Variants in SEC23B observed in about 807,000 individuals in gnomAD.
SEC23B encodes protein transport protein Sec23B.
Under a neutral mutation model 104.3 loss-of-function variants are expected in SEC23B, and 77 were observed. That is an observed-to-expected ratio of 0.74 (90% confidence interval 0.61 to 0.89). The LOEUF (loss-of-function observed/expected upper bound fraction) is 0.89, where lower values mean the gene tolerates loss of function less well. SEC23B is among the 40% of genes least tolerant of loss of function. The pLI is 0.00. For synonymous variants in SEC23B, 338 were observed against 332.5 expected (o/e 1.02, Z -0.18); for missense variants, 885 against 949.4 (o/e 0.93, Z 0.89).
At chr20:18,531,953 G>A (rs572439872) in intron 10 of SEC23B, among the ~76,000 whole-genome samples, 1 of 152,220 alleles carries the variant, frequency 6.6e-6, no homozygotes, top group East Asian at 1.9e-4. Flanking sequence ...AGCTACTCAG[G>A]AGGCTGAGGC....
intron 4 of SEC23B, among the ~76,000 whole-genome samples, chr20:18,518,582 G>GTTTTTTTTTTTTTTTTTTT (rs57231166): frequency 9.7e-5 from 9 of 92,660 alleles, no homozygotes; most frequent in Admixed American, 4.6e-4. Context: ...CTGGAAGGAG[G>GTTTTTTTTTTTTTTTTTTT]TTTTTTTTTT....
intron 3 of SEC23B, among the ~76,000 whole-genome samples, chr20:18,514,100 C>T (rs927849833): frequency 1.3e-5 from 2 of 152,188 alleles, no homozygotes; most frequent in African/African-American, 4.8e-5. Context: ...CTAAGATTGT[C>T]ACCTGCCAAT....
At position 18,548,778 on chromosome 20, in the gene SEC23B, T is replaced by C. The variant is rs756904427; in HGVS notation, c.1905+8T>C. The C allele has an allele frequency of 2.5e-6, 4 of 1,613,610 alleles. No individual in the cohort carries two copies. The East Asian group carries it at 6.7e-5, about 27-fold the overall frequency. On this transcript the variant is annotated splice_region_variant and intron_variant, in intron 16 of 19. Transcript: ENST00000650089. ...TTTCATGGGCCACCAGAGGTGAGGC[T>C]CTACCCAAATGCTTTCCTGAGGATT... is the stretch of plus-strand genomic sequence containing the variant.
intron 7 of SEC23B, 41 bp downstream of exon 7, chr20:18,525,973 G>T (rs1555353): frequency 1.9e-6 from 3 of 1,597,818 alleles, no homozygotes; most frequent in African/African-American, 1.3e-5. Flanking sequence ...TCATACAAAT[G>T]TGCTCTCAGA....
At chr20:18,538,078 G>T (rs2148911329) in intron 12 of SEC23B, among the ~76,000 whole-genome samples, 1 of 152,100 alleles carries the variant, frequency 6.6e-6, no homozygotes, top group African/African-American at 2.4e-5. Context: ...CGAGTAGCTA[G>T]GCTTACAGGT....
chr20:18,543,215 C>A, intron 14 of SEC23B, 43 bp downstream of exon 14: 2 of 1,612,786 alleles, frequency 1.2e-6, no homozygotes, highest in Non-Finnish European at 1.7e-6. Flanking sequence ...TTGGTTTCTG[C>A]TTTACTTTCG....
At chr20:18,526,226 G>C in intron 7 of SEC23B, 147 bp from the exon 8 acceptor site, 1 of 958,672 alleles carries the variant, frequency 1.0e-6, no homozygotes, top group Non-Finnish European at 1.6e-6. Context: ...CTGCTTTTCT[G>C]CATTATCATC....
At chr20:18,538,335 C>T (rs573912792) in intron 12 of SEC23B, among the ~76,000 whole-genome samples, 35 of 148,878 alleles carry the variant, frequency 2.4e-4, no homozygotes, top group African/African-American at 7.4e-4. Context: ...CTGCAAGCTT[C>T]GCCTCCTGGG....
In SEC23B at chr20:18,560,760, A is replaced by C; in HGVS notation, c.*20A>C. ...TGTTAAGCTGAGGATACAACCAGGA[A>C]ATGCAACGGTGTCAGATTGTGTTCA... On this transcript the variant is annotated 3_prime_UTR_variant, in exon 20 of 20. Coordinates refer to ENST00000650089, the MANE Select transcript of SEC23B (RefSeq NM_006363.6). 6.4e-7 allele frequency: 1 copy of C among 1,564,800 alleles called. No individual in the cohort carries two copies. The highest frequency in any genetic ancestry group is 8.8e-7 in the Non-Finnish European group (1 of 1,135,134).
chr20:18,522,809 G>T (rs2060096103), intron 4 of SEC23B, among the ~76,000 whole-genome samples: 1 of 152,080 alleles, frequency 6.6e-6, no homozygotes, highest in Non-Finnish European at 1.5e-5. Flanking sequence ...CGTAATCCCA[G>T]CACTTTGAGG....
chr20:18,520,577 G>T (rs1010834176), intron 4 of SEC23B, among the ~76,000 whole-genome samples: 4 of 152,080 alleles, frequency 2.6e-5, no homozygotes, highest in African/African-American at 9.7e-5. Flanking sequence ...CCTAATAAGG[G>T]AGCCGGGCAG....
chr20:18,519,747 G>C (rs940950807), intron 4 of SEC23B, among the ~76,000 whole-genome samples: 2 of 152,198 alleles, frequency 1.3e-5, no homozygotes, highest in Non-Finnish European at 2.9e-5. Flanking sequence ...TAATGGTTTA[G>C]TCAGGATGGT....
chr20:18,540,320 G>A (rs963863736), intron 12 of SEC23B, among the ~76,000 whole-genome samples: 6 of 152,164 alleles, frequency 3.9e-5, no homozygotes, highest in Non-Finnish European at 7.3e-5. Context: ...TTATATCTCC[G>A]TCAGAGCTCT....
chr20:18,539,463 TTG>T (rs2060267803), intron 12 of SEC23B, among the ~76,000 whole-genome samples: 1 of 145,276 alleles, frequency 6.9e-6, no homozygotes. Flanking sequence ...TGAGCCAAGA[TTG>T]CGCCACTGCA....
rs970143993 is a variant in SEC23B at position 18,521,169 on chromosome 20, T to C, written c.367-3264T>C. Among the ~76,000 whole-genome samples, 5 of 152,062 alleles carry C rather than the reference T, an allele frequency of 3.3e-5. No individual in the cohort carries two copies. In the East Asian group the frequency reaches 9.6e-4, roughly 29 times the overall value. Reference sequence around the variant, plus strand: ...GGGGTTTGTCTCACAGTGGAGGCAATGAATTGCAACTCAGAAATACATTGT... The same window carrying C: ...GGGGTTTGTCTCACAGTGGAGGCAACGAATTGCAACTCAGAAATACATTGT... On this transcript the variant is annotated intron_variant, in intron 4 of 19. Transcript: ENST00000650089.
chr20:18,529,630 A>G (rs1260148920), intron 9 of SEC23B, among the ~76,000 whole-genome samples: 2 of 152,228 alleles, frequency 1.3e-5, no homozygotes, highest in African/African-American at 2.4e-5. Flanking sequence ...TTACAGCAGC[A>G]GGAAGGAGGA....
Position 18,515,646 on chromosome 20 carries a change from T to G in SEC23B, c.280-4T>G. On this transcript the variant is annotated splice_polypyrimidine_tract_variant and splice_region_variant and intron_variant, in intron 3 of 19. Transcript: ENST00000650089. ...CCCTAATAAAACTGTTTCCTTCTTT[T>G]CAGTTTCCTCCAGCTTATGGAGGCA... is the stretch of plus-strand genomic sequence containing the variant. 6.3e-7 allele frequency: 1 copy of G among 1,585,172 alleles called. No homozygotes were observed. The highest frequency in any genetic ancestry group is 1.1e-5 in the South Asian group (1 of 90,546).
chr20:18,524,066 C>G (rs959383168), intron 4 of SEC23B, among the ~76,000 whole-genome samples: 1 of 152,060 alleles, frequency 6.6e-6, no homozygotes, highest in Non-Finnish European at 1.5e-5. Flanking sequence ...TTGACTCTGC[C>G]CTCTGCCTCT....
chr20:18,511,756 A>C (rs140500065), intron 2 of SEC23B, among the ~76,000 whole-genome samples: 1 of 152,206 alleles, frequency 6.6e-6, no homozygotes, highest in South Asian at 2.1e-4. Flanking sequence ...AGGAAGTGAA[A>C]TGTGCTTGCC....
Sources: allele counts gnomAD v4.1 joint callset (sites outside exome capture counted in the v4.1 genomes callset), GRCh38; gene constraint gnomAD v4.1.1; transcripts MANE v1.5; gene names NCBI Gene and HGNC (gene_info 2026-07-23, HGNC 2026-07-21).